The following TMEM43 variants were observed in gnomAD, a reference collection of about 807,000 sequenced individuals.
TMEM43 encodes the protein transmembrane protein 43, also known as arrhythmogenic right ventricular dysplasia 5.
In TMEM43, 45 loss-of-function variants were observed where a neutral mutation model predicts 49.6. The ratio of observed to expected loss-of-function variants is 0.91; its 90% CI spans 0.71 to 1.16. TMEM43 has a LOEUF of 1.16. Ranked by LOEUF, TMEM43 falls within the 50% of genes most tolerant of loss-of-function variation. TMEM43 has a pLI of 0.00. For synonymous variants in TMEM43, 199 were observed against 207.8 expected, an observed-to-expected ratio of 0.96 and a Z score of 0.36; for missense variants, 532 against 516.6, an observed-to-expected ratio of 1.03 and a Z score of -0.29.
intron 9 of TMEM43, 59 bp downstream of exon 9, chr3:14,135,291 A>G: frequency 1.4e-6 from 2 of 1,433,324 alleles, no homozygotes; most frequent in African/African-American, 2.8e-5. Flanking sequence ...TCCTGGACAC[A>G]GACACCTTGG....
At chr3:14,128,778 A>G (rs1353289283) in intron 1 of TMEM43, 2 of 288,630 alleles carry the variant, frequency 6.9e-6, no homozygotes, top group East Asian at 1.2e-4. Flanking sequence ...TCCTAGGTAT[A>G]TTCCTACGGG....
chr3:14,132,525 G>C lies in TMEM43; in HGVS notation c.393-21G>C, dbSNP rs755350435. 2.5e-6 allele frequency: 4 copies of C among 1,614,018 alleles called. No homozygotes were observed. In the African/African-American group the frequency reaches 5.3e-5, roughly 22 times the overall value. The stretch of plus-strand genomic sequence containing the variant: ...TGGGGCGACGAGGCTAACCCCCGTG[G>C]CTGCTTTGCTTTCCCTGCAGGGAGT... On this transcript the variant is annotated intron_variant, in intron 4 of 11. Transcript: ENST00000306077.
At position 14,131,605 on chromosome 3, in the gene TMEM43, T is replaced by C. The variant is rs182351748; in HGVS notation, c.323T>C (p.Val108Ala). 3.8e-5 allele frequency: 62 copies of C among 1,614,170 alleles called. No individual in the cohort carries two copies. The East Asian group carries it at 1.4e-3, about 36-fold the overall frequency. ...CTTTTGTCTGATCCAAACTATGGGG[T>C]CCATCTTCCGGCTGTGAAACTGCGG... ...SKLLSDPNYGVHLPAVKLRRH... is the reference protein window; with the variant it reads ...SKLLSDPNYGAHLPAVKLRRH... The change falls in exon 4 of 12, where the codon GTC (valine) becomes GCC (alanine). Residue 108 changes from valine to alanine, a missense_variant. Physicochemically the swap from Val to Ala is moderately conservative, Grantham distance 64 (BLOSUM62 0). Coordinates refer to ENST00000306077, the MANE Select transcript of TMEM43 (RefSeq NM_024334.3).
chr3:14,138,346 T>C (rs1010616662), intron 10 of TMEM43, among the ~76,000 whole-genome samples: 1 of 151,908 alleles, frequency 6.6e-6, no homozygotes. Context: ...GGTGACTGTG[T>C]GGAGAACACA....
rs1574939071 is a variant in TMEM43, at chr3:14,134,750, A to G, written c.584-20A>G. 1 of 1,614,006 alleles carries G rather than the reference A, an allele frequency of 6.2e-7. No individual in the cohort carries two copies. Among genetic ancestry groups the G allele is most frequent in the East Asian group, 2.2e-5 (1 of 44,868 alleles). ...TTTTCACCTGGTCCCCTGGGTTTCT[A>G]ACCACTCTGGTCCCCTCAGGCCTCA... On this transcript the variant is annotated intron_variant, in intron 7 of 11. Transcript: ENST00000306077.
chr3:14,131,736 T>A, intron 4 of TMEM43, 62 bp downstream of exon 4: 1 of 1,202,564 alleles, frequency 8.3e-7, no homozygotes, highest in South Asian at 1.2e-5. Context: ...GGTGTCAGGA[T>A]AACATGCAGA....
intron 10 of TMEM43, among the ~76,000 whole-genome samples, chr3:14,138,622 G>GGCCAGAGCTGCAGCTTAAA (rs1695206553): frequency 6.6e-6 from 1 of 152,154 alleles, no homozygotes; most frequent in Non-Finnish European, 1.5e-5. Flanking sequence ...CCCGGGAGAG[G>GGCCAGAGCTGCAGCTTAAA]GCCAGAGCTG....
At chr3:14,133,858 C>A in intron 7 of TMEM43, 49 bp downstream of exon 7, 1 of 1,551,594 alleles carries the variant, frequency 6.4e-7, no homozygotes, top group Non-Finnish European at 8.9e-7. Flanking sequence ...GCACAAGGCC[C>A]CCCTAGGGCC....
intron 4 of TMEM43, 80 bp downstream of exon 4, chr3:14,131,754 C>G: frequency 9.9e-7 from 1 of 1,005,648 alleles, no homozygotes; most frequent in Non-Finnish European, 1.6e-6. Context: ...AGATGTCTTT[C>G]ATTTTGATAC....
rs1186239070 is a variant in TMEM43, at chr3:14,143,143, A to AAAGAT, written c.*1351_*1355dup. 1 of 150,156 alleles carries AAAGAT rather than the reference A, an allele frequency of 6.7e-6. No individual in the cohort carries two copies. The highest frequency in any genetic ancestry group is 1.9e-4 in the East Asian group (1 of 5,208). The allele number at this position is 150,156 out of a possible 1,614,324, so 9.3% of individuals were successfully genotyped here. On this transcript the variant is annotated 3_prime_UTR_variant, in exon 12 of 12. Transcript: ENST00000306077. ...TCCCCAACTACTCTCACACCCTTTT[A>AAAGAT]AAGATAAAGTATGTTGTAACCAGGA...
At position 14,133,659 on chromosome 3, in the gene TMEM43, T is replaced by C. The variant is rs767111742; in HGVS notation, c.513-80T>C. 107 of 1,371,934 alleles carry C rather than the reference T, an allele frequency of 7.8e-5. 1 individual carries two copies. The highest frequency in any genetic ancestry group is 1.1e-4 in the Non-Finnish European group (102 of 960,676). 85.0% of individuals were successfully genotyped at this position (1,371,934 alleles called of 1,614,324 possible). A position where few individuals can be genotyped will look rare whatever the true frequency, so the allele number is the denominator to read the frequency against. On this transcript the variant is annotated intron_variant, in intron 6 of 11. Transcript: ENST00000306077. ...TGCAGGAACCCCCGGGTGGGGACCCTGCCCAGCACAAACAACCCAAAGGGA... is the reference window on the plus strand; with the variant it reads ...TGCAGGAACCCCCGGGTGGGGACCCCGCCCAGCACAAACAACCCAAAGGGA...
chr3:14,125,469 G>C (rs528730915), intron 1 of TMEM43, among the ~76,000 whole-genome samples: 2 of 151,986 alleles, frequency 1.3e-5, no homozygotes, highest in African/African-American at 4.9e-5. Context: ...TGTTGCTCCC[G>C]TACTGGGATC....
At chr3:14,136,401 G>A (rs1481029869) in intron 10 of TMEM43, among the ~76,000 whole-genome samples, 2 of 152,206 alleles carry the variant, frequency 1.3e-5, no homozygotes, top group Non-Finnish European at 1.5e-5. Flanking sequence ...GTGCCTCACA[G>A]ACTGTCCGGT....
rs890500883 is a variant in TMEM43, at chr3:14,135,675, G to C, written c.781-132G>C. ...TGGATGCATCCCAGATGGATGTATA[G>C]AGAGAGAAGCCCCAGGGTTTCTGTG... On this transcript the variant is annotated intron_variant, in intron 9 of 11. Coordinates refer to ENST00000306077, the MANE Select transcript of TMEM43 (RefSeq NM_024334.3). 4 of 683,060 alleles carry C rather than the reference G, an allele frequency of 5.9e-6. No homozygotes were observed. In the East Asian group the frequency reaches 1.1e-4, roughly 18 times the overall value. The allele number at this position is 683,060 out of a possible 1,614,324, so 42.3% of individuals were successfully genotyped here.
chr3:14,128,284 C>T (rs1435353305), intron 1 of TMEM43, among the ~76,000 whole-genome samples: 4 of 152,204 alleles, frequency 2.6e-5, no homozygotes, highest in Admixed American at 6.5e-5. Flanking sequence ...TCCACTCACC[C>T]TTGAGTTTGA....
rs1158842885 is a variant in TMEM43, at chr3:14,142,480, T to TTAAG, written c.*687_*690dup. On this transcript the variant is annotated 3_prime_UTR_variant, in exon 12 of 12. Coordinates refer to ENST00000306077, the MANE Select transcript of TMEM43 (RefSeq NM_024334.3). ...TGTGTGGGATCTCTGAAGGCCCTAT[T>TTAAG]TAAGTTTTTCTTCGTTACTTTGCTG... 5 of 152,690 alleles carry TTAAG rather than the reference T, an allele frequency of 3.3e-5. No homozygotes were observed. The highest frequency in any genetic ancestry group is 1.2e-4 in the African/African-American group (5 of 41,462). The allele number at this position is 152,690 out of a possible 1,614,324, so 9.5% of individuals were successfully genotyped here. A position where few individuals can be genotyped will look rare whatever the true frequency, so the allele number is the denominator to read the frequency against.
chr3:14,134,975 C>T lies in TMEM43; in HGVS notation c.705+84C>T, dbSNP rs1695148651. 2.0e-5 allele frequency: 32 copies of T among 1,596,712 alleles called. No individual in the cohort carries two copies. The South Asian group carries it at 2.6e-4, about 13-fold the overall frequency. On this transcript the variant is annotated intron_variant, in intron 8 of 11. Coordinates refer to ENST00000306077, the MANE Select transcript of TMEM43 (RefSeq NM_024334.3). ...CTGCGCCAGGCAGATTCAGTTCAGT[C>T]GCATGCACAGCTGCACTTGGCCAAG...
At chr3:14,129,260 A>G (rs1411688486) in intron 1 of TMEM43, 152 bp from the exon 2 acceptor site, 3 of 631,802 alleles carry the variant, frequency 4.7e-6, no homozygotes, top group African/African-American at 3.8e-5. Context: ...AAACCTGCCA[A>G]ACTGTACATT....
chr3:14,132,977 C>T, intron 6 of TMEM43, 42 bp downstream of exon 6: 1 of 1,488,830 alleles, frequency 6.7e-7, no homozygotes, highest in Non-Finnish European at 9.4e-7. Context: ...TTTGTCTACA[C>T]TGGCAGGTCT....
Sources: gnomAD v4.1 joint callset for allele counts (sites outside exome capture counted in the v4.1 genomes callset) on GRCh38, gnomAD v4.1.1 for gene constraint, MANE v1.5 for transcripts, NCBI Gene and HGNC (gene_info 2026-07-23, HGNC 2026-07-21) for gene names.